MYO3B: variants seen among roughly 807,000 people sequenced by gnomAD.
MYO3B encodes myosin IIIB.
In MYO3B, 156 loss-of-function variants were observed where a neutral mutation model predicts 174.6. That is an observed-to-expected ratio of 0.89 (90% CI 0.78 to 1.02). The LOEUF (loss-of-function observed/expected upper bound fraction) is 1.02, where lower values mean the gene tolerates loss of function less well. Among genes scored for constraint, MYO3B ranks in the 50% least tolerant of loss-of-function variants. MYO3B has a pLI of 0.00. For synonymous variants in MYO3B, 563 were observed against 569.1 expected, an observed-to-expected ratio of 0.99 and a Z score of 0.15; for missense variants, 1,632 against 1,639.4, an observed-to-expected ratio of 1.00 and a Z score of 0.08.
intron 32 of MYO3B, among the ~76,000 whole-genome samples, chr2:170,585,645 A>G (rs1046404560): frequency 2.6e-5 from 4 of 152,176 alleles, no homozygotes; most frequent in African/African-American, 9.7e-5. Flanking sequence ...GGGCAGTACA[A>G]CAGTCCAAGT....
intron 32 of MYO3B, among the ~76,000 whole-genome samples, chr2:170,549,174 G>A (rs1000440157): frequency 1.3e-5 from 2 of 152,078 alleles, no homozygotes; most frequent in Admixed American, 6.5e-5. Context: ...TGTGACCTGT[G>A]CCTGTTAAAG....
chr2:170,358,930 A>AC (rs1228553244), intron 8 of MYO3B, among the ~76,000 whole-genome samples: 2 of 152,174 alleles, frequency 1.3e-5, no homozygotes, highest in East Asian at 1.9e-4. Flanking sequence ...GTCTTTGCAT[A>AC]CCCTATCTCC....
At chr2:170,594,363 A>G (rs1694008023) in intron 32 of MYO3B, among the ~76,000 whole-genome samples, 1 of 152,164 alleles carries the variant, frequency 6.6e-6, no homozygotes, top group African/African-American at 2.4e-5. Context: ...ATGAGAGATG[A>G]GGAGAGGAGA....
intron 8 of MYO3B, among the ~76,000 whole-genome samples, chr2:170,346,735 A>G (rs1327076099): frequency 6.6e-6 from 1 of 152,236 alleles, no homozygotes; most frequent in African/African-American, 2.4e-5. Flanking sequence ...TATACTGTAC[A>G]TTAAGATTTC....
intron 6 of MYO3B, among the ~76,000 whole-genome samples, chr2:170,233,002 G>A (rs1357475678): frequency 6.6e-6 from 1 of 152,228 alleles, no homozygotes. Context: ...AATATTTTAG[G>A]ACAACGCTTG....
In MYO3B at chr2:170,214,369, C is replaced by T; in HGVS notation, c.322-10C>T. ...CCTGCTCTCCCTGTGTCTGGCACCT[C>T]TTCTTGCAGCTGTGTAATGGGGGCT... On this transcript the variant is annotated splice_polypyrimidine_tract_variant and intron_variant, in intron 3 of 34. Coordinates refer to ENST00000408978, the MANE Select transcript of MYO3B (RefSeq NM_138995.5). The T allele has an allele frequency of 6.2e-7, 1 of 1,612,704 alleles. No homozygotes were observed.
chr2:170,369,499 T>C lies in MYO3B; in HGVS notation c.971+122T>C, dbSNP rs1370734485. The C allele has an allele frequency of 8.0e-6, 9 of 1,129,660 alleles. No homozygotes were observed. In the African/African-American group the frequency reaches 1.4e-4, roughly 18 times the overall value. The allele number at this position is 1,129,660 out of a possible 1,614,324, so 70.0% of individuals were successfully genotyped here. On this transcript the variant is annotated intron_variant, in intron 9 of 34. Transcript: ENST00000408978. Reference sequence around the variant, plus strand: ...CATTCCTGCATTTTTAAGAGTTTTATTTACATGACATTAAGTACTCCATGC... The same window carrying C: ...CATTCCTGCATTTTTAAGAGTTTTACTTACATGACATTAAGTACTCCATGC...
chr2:170,519,897 A>T (rs1369506525), intron 30 of MYO3B: 2 of 183,854 alleles, frequency 1.1e-5, no homozygotes, highest in African/African-American at 2.4e-5. Flanking sequence ...CACTTGAACC[A>T]TGGAGGTGGA....
At chr2:170,509,022 A>C (rs183635451) in intron 28 of MYO3B, among the ~76,000 whole-genome samples, 2 of 82,738 alleles carry the variant, frequency 2.4e-5, no homozygotes, top group Non-Finnish European at 4.5e-5. Flanking sequence ...CTGGGGGGGA[A>C]AAAAGTCTGT....
intron 25 of MYO3B, among the ~76,000 whole-genome samples, chr2:170,485,420 C>CAGAG (rs61185936): frequency 0.017 from 2,194 of 127,834 alleles, 46 homozygotes; most frequent in African/African-American, 0.049. Context: ...CACACACACA[C>CAGAG]AGAGAGAGAG....
chr2:170,256,809 G>A (rs929946832), intron 7 of MYO3B, among the ~76,000 whole-genome samples: 1 of 152,062 alleles, frequency 6.6e-6, no homozygotes, highest in African/African-American at 2.4e-5. Flanking sequence ...GGCACAGAGT[G>A]GCAAGTTGAA....
rs554572262 is a variant in MYO3B at position 170,372,709 on chromosome 2, C to A, written c.971+3332C>A. Among the ~76,000 whole-genome samples, 538 of 152,282 alleles carry A rather than the reference C, an allele frequency of 3.5e-3. 2 individuals are homozygous for A. The highest frequency in any genetic ancestry group is 0.012 in the African/African-American group (500 of 41,556). ...GGAATGCCTGGGATACCTCTCAGAG[C>A]ACCTGGTAAAGACACCTAAGTCAGT... On this transcript the variant is annotated intron_variant, in intron 9 of 34. Transcript: ENST00000408978.
chr2:170,508,126 T>C (rs1008469366), intron 28 of MYO3B, among the ~76,000 whole-genome samples: 10 of 152,106 alleles, frequency 6.6e-5, no homozygotes, highest in African/African-American at 2.2e-4. Context: ...CAACAGTAGG[T>C]ACCCCTAGGA....
Position 170,236,059 on chromosome 2 carries a change from C to T in MYO3B, c.672C>T (p.Ile224=), listed in dbSNP as rs947611607. The T allele has an allele frequency of 1.3e-5, 21 of 1,613,984 alleles. No homozygotes were observed. Among genetic ancestry groups the T allele is most frequent in the Non-Finnish European group, 1.8e-5 (21 of 1,180,000 alleles). ...GCTGTGACGTCTGGTCCTTGGGGAT[C>T]ACAGCTATTGAACTGGGGGATGGAG... The part of the protein sequence containing the change: ...DARCDVWSLG[I]TAIELGDGDP... The change falls in exon 7 of 35, where the codon ATC becomes ATT. Residue 224 remains isoleucine (I), a synonymous_variant. Transcript: ENST00000408978.
At chr2:170,566,075 A>G (rs1401599740) in intron 32 of MYO3B, among the ~76,000 whole-genome samples, 1 of 152,224 alleles carries the variant, frequency 6.6e-6, no homozygotes, top group Admixed American at 6.5e-5. Context: ...ATTAGTCTTC[A>G]TATCAGTAGG....
intron 3 of MYO3B, among the ~76,000 whole-genome samples, chr2:170,207,588 A>G (rs2092726604): frequency 6.6e-6 from 1 of 151,518 alleles, no homozygotes; most frequent in African/African-American, 2.4e-5. Flanking sequence ...AACTGTTCCT[A>G]GTTTGGAGGA....
intron 6 of MYO3B, among the ~76,000 whole-genome samples, chr2:170,228,687 C>A (rs1372059966): frequency 6.6e-6 from 1 of 152,060 alleles, no homozygotes. Flanking sequence ...GTAGTGTAAG[C>A]GTGCTTTGAG....
At position 170,383,756 on chromosome 2, in the gene MYO3B, A is replaced by G. The variant is rs1389233769; in HGVS notation, c.1232A>G (p.His411Arg). The part of the protein sequence containing the change: ...HGVKRASNPP[H>R]IFASADAAYQ... ...GTGAAACGCGCCTCCAATCCCCCCC[A>G]CATATTTGCATCAGCAGATGCTGCT... Residue 411 changes from histidine to arginine, a missense_variant, in exon 12 of 35, where the codon CAC (histidine) becomes CGC (arginine). Transcript: ENST00000408978. 6.2e-7 allele frequency: 1 copy of G among 1,613,606 alleles called. No homozygotes were observed. The highest frequency in any genetic ancestry group is 8.5e-7 in the Non-Finnish European group (1 of 1,179,742).
At chr2:170,584,848 T>C (rs943278512) in intron 32 of MYO3B, among the ~76,000 whole-genome samples, 8 of 152,332 alleles carry the variant, frequency 5.3e-5, no homozygotes, top group Admixed American at 2.6e-4. Flanking sequence ...AGGAGAAAAA[T>C]TGAAATAAAT....
Sources: gnomAD v4.1 joint callset for allele counts (sites outside exome capture counted in the v4.1 genomes callset) on GRCh38, gnomAD v4.1.1 for gene constraint, MANE v1.5 for transcripts, NCBI Gene and HGNC (gene_info 2026-07-23, HGNC 2026-07-21) for gene names.